Variants in NRG1 observed in about 807,000 individuals in gnomAD.
The protein encoded by NRG1 is pro-neuregulin-1, membrane-bound isoform.
NRG1 carries 18 observed loss-of-function variants against 63.8 expected under a neutral mutation model. The ratio of observed to expected loss-of-function variants is 0.28; its 90% CI spans 0.19 to 0.42. The LOEUF (loss-of-function observed/expected upper bound fraction) is 0.42. NRG1 is among the 10% of genes least tolerant of loss of function. The pLI is 1.00. For missense variants in NRG1, 762 were observed against 814.7 expected (o/e 0.94, Z 0.79); for synonymous variants, 302 against 301.3 (o/e 1.00, Z -0.02).
intron 1 of NRG1, among the ~76,000 whole-genome samples, chr8:32,330,041 T>TAAAAAAAAAA (rs532006401): frequency 4.6e-5 from 2 of 43,020 alleles, no homozygotes; most frequent in Non-Finnish European, 8.1e-5. Context: ...CCTAGCTAAT[T>TAAAAAAAAAA]AAAAAAAAAA....
chr8:31,806,703 ATT>A (rs1481462251), intron 1 of NRG1, among the ~76,000 whole-genome samples: 1 of 152,036 alleles, frequency 6.6e-6, no homozygotes, highest in Non-Finnish European at 1.5e-5. Context: ...AAGTGTAATA[ATT>A]AACCCTTTTT....
intron 1 of NRG1, among the ~76,000 whole-genome samples, chr8:31,749,146 A>G (rs915520067): frequency 3.3e-5 from 5 of 151,878 alleles, no homozygotes; most frequent in African/African-American, 7.2e-5. Flanking sequence ...AATGCTAAGA[A>G]AATTCAAGTT....
At chr8:32,409,628 T>C (rs1173019015) in intron 1 of NRG1, among the ~76,000 whole-genome samples, 1 of 152,132 alleles carries the variant, frequency 6.6e-6, no homozygotes, top group African/African-American at 2.4e-5. Flanking sequence ...GCACAGTTAA[T>C]GGAAAATGAA....
intron 7 of NRG1, chr8:32,749,311 C>CTT: frequency 3.5e-6 from 2 of 563,438 alleles, no homozygotes; most frequent in South Asian, 4.4e-5. Flanking sequence ...TCAGTAAGGT[C>CTT]TTTTAAGGGT....
At chr8:32,743,597 A>AT (rs1335040311) in intron 7 of NRG1, among the ~76,000 whole-genome samples, 10 of 37,030 alleles carry the variant, frequency 2.7e-4, no homozygotes, top group Non-Finnish European at 4.3e-4. Flanking sequence ...TATATATATA[A>AT]AACTTAATAA....
chr8:32,071,111 C>T (rs550785180), intron 1 of NRG1, among the ~76,000 whole-genome samples: 1 of 152,328 alleles, frequency 6.6e-6, no homozygotes, highest in Admixed American at 6.5e-5. Context: ...ATCATTCTCT[C>T]AGCCTCCACC....
intron 1 of NRG1, among the ~76,000 whole-genome samples, chr8:31,852,636 G>A (rs1461449129): frequency 6.6e-6 from 1 of 151,184 alleles, no homozygotes; most frequent in African/African-American, 2.4e-5. Flanking sequence ...TGTCAATTTT[G>A]GCTTTTGTTG....
chr8:32,383,681 T>C (rs892106307), intron 1 of NRG1, among the ~76,000 whole-genome samples: 1 of 152,360 alleles, frequency 6.6e-6, no homozygotes, highest in Admixed American at 6.5e-5. Context: ...ATCTTTTTAC[T>C]GCGCCACCTT....
chr8:32,549,148 A>T (rs1013187297), intron 1 of NRG1, among the ~76,000 whole-genome samples: 3 of 152,186 alleles, frequency 2.0e-5, no homozygotes, highest in Non-Finnish European at 4.4e-5. Flanking sequence ...CCAGCCCGGG[A>T]GTGGGACCTG....
chr8:32,408,695 G>A (rs1004021686), intron 1 of NRG1, among the ~76,000 whole-genome samples: 3 of 152,056 alleles, frequency 2.0e-5, no homozygotes, highest in African/African-American at 7.2e-5. Flanking sequence ...ATGCACACAG[G>A]GAATGCACAA....
At position 32,293,235 on chromosome 8, in the gene NRG1, G is replaced by A. The variant is rs530147632; in HGVS notation, c.38-302593G>A. On this transcript the variant is annotated intron_variant, in intron 1 of 10. Transcript: ENST00000519301. ...GATTTAGTTAAGGATCCCCAGAGGA[G>A]GAGCTTAATCTAAATTATGAATGTA... 2.0e-5 allele frequency among the ~76,000 whole-genome samples: 3 copies of A among 152,334 alleles called. No homozygotes were observed. The South Asian group carries it at 6.2e-4, about 32-fold the overall frequency.
intron 1 of NRG1, among the ~76,000 whole-genome samples, chr8:32,518,309 C>T (rs1830028977): frequency 6.6e-6 from 1 of 151,974 alleles, no homozygotes; most frequent in African/African-American, 2.4e-5. Flanking sequence ...TCCAGGAGCC[C>T]CAGAAACACA....
chr8:31,984,517 T>C (rs1476544362), intron 1 of NRG1, among the ~76,000 whole-genome samples: 2 of 152,046 alleles, frequency 1.3e-5, no homozygotes, highest in Non-Finnish European at 2.9e-5. Context: ...TTGAATAATA[T>C]ACAATTTTGG....
intron 1 of NRG1, among the ~76,000 whole-genome samples, chr8:32,351,348 T>C (rs1805578368): frequency 1.3e-5 from 2 of 152,184 alleles, no homozygotes; most frequent in South Asian, 2.1e-4. Context: ...CCATAAACCC[T>C]GATATTGTAT....
chr8:31,813,502 T>TTTTCTTTTA (rs1823090137), intron 1 of NRG1, among the ~76,000 whole-genome samples: 1 of 63,104 alleles, frequency 1.6e-5, no homozygotes, highest in African/African-American at 4.5e-5. Flanking sequence ...TTTTCTTTTC[T>TTTTCTTTTA]TTTCTTTTCT....
chr8:32,379,867 TG>T (rs561626876), intron 1 of NRG1, among the ~76,000 whole-genome samples: 90 of 152,358 alleles, frequency 5.9e-4, no homozygotes, highest in African/African-American at 2.1e-3. Flanking sequence ...ACTTCGTTCA[TG>T]GGATTTCCCC....
At chr8:32,695,372 T>TGA (rs370235480) in intron 5 of NRG1, among the ~76,000 whole-genome samples, 15 of 136,772 alleles carry the variant, frequency 1.1e-4, no homozygotes, top group African/African-American at 3.0e-4. Flanking sequence ...AGAGAGAGGG[T>TGA]GAGAGAGAGA....
At chr8:32,195,819 T>C (rs1417224872) in intron 1 of NRG1, among the ~76,000 whole-genome samples, 1 of 152,112 alleles carries the variant, frequency 6.6e-6, no homozygotes, top group Non-Finnish European at 1.5e-5. Context: ...GTTTAATATA[T>C]TTAAGAAAGA....
intron 1 of NRG1, among the ~76,000 whole-genome samples, chr8:31,791,687 A>C (rs1820728707): frequency 6.6e-6 from 1 of 151,970 alleles, no homozygotes; most frequent in Non-Finnish European, 1.5e-5. Context: ...CTGCTGCTGG[A>C]TGTTTTAGGC....
Sources: gnomAD v4.1 joint callset for allele counts (sites outside exome capture counted in the v4.1 genomes callset) on GRCh38, gnomAD v4.1.1 for gene constraint, MANE v1.5 for transcripts, NCBI Gene and HGNC (gene_info 2026-07-23, HGNC 2026-07-21) for gene names.